INPP5D: variants seen among roughly 807,000 people sequenced by gnomAD.
INPP5D encodes inositol polyphosphate-5-phosphatase D, also known as phosphatidylinositol 3,4,5-trisphosphate 5-phosphatase 1.
Under a neutral mutation model 122.9 loss-of-function variants are expected in INPP5D, and 33 were observed. The observed-to-expected ratio is 0.27, with a 90% CI of 0.20 to 0.36. INPP5D has a LOEUF of 0.36. Ranked by LOEUF, INPP5D falls within the 10% of genes least tolerant of loss-of-function variation. The pLI, the probability that INPP5D is intolerant of heterozygous loss-of-function variation, is 1.00. For synonymous variants in INPP5D, 584 were observed against 576.2 expected, an observed-to-expected ratio of 1.01 and a Z score of -0.19; for missense variants, 1,053 against 1,412.7, an observed-to-expected ratio of 0.75 and a Z score of 4.08.
At chr2:233,122,085 T>C (rs541946281) in intron 2 of INPP5D, 22 bp from the exon 3 acceptor site, 1 of 1,612,536 alleles carries the variant, frequency 6.2e-7, no homozygotes, top group South Asian at 1.1e-5. Flanking sequence ...CATGTGCGTT[T>C]GTTTGGATGT....
At chr2:233,198,812 T>C (rs1695254973) in intron 25 of INPP5D, among the ~76,000 whole-genome samples, 2 of 150,196 alleles carry the variant, frequency 1.3e-5, no homozygotes, top group Non-Finnish European at 1.5e-5. Flanking sequence ...TAGCCAGGGG[T>C]GGTGGTGCAT....
At chr2:233,181,879 T>G (rs1694794228) in intron 18 of INPP5D, among the ~76,000 whole-genome samples, 1 of 152,138 alleles carries the variant, frequency 6.6e-6, no homozygotes, top group Non-Finnish European at 1.5e-5. Context: ...GTGGATCACC[T>G]GAGGTCAGGA....
Position 233,082,104 on chromosome 2 carries a change from C to T in INPP5D, c.198+2706C>T, listed in dbSNP as rs952487933. ...TCTGCTCCTGACCCCGGCACTAGAT[C>T]TGTGACCTCCGCAGTAGCTGACATG... On this transcript the variant is annotated intron_variant, in intron 2 of 26. Transcript: ENST00000445964. This position sits in a 1 kb window ranked among gnomAD's most constrained non-coding sequence, Gnocchi z 4.7. 6.6e-6 allele frequency among the ~76,000 whole-genome samples: 1 copy of T among 152,286 alleles called. No homozygotes were observed. Among genetic ancestry groups the T allele is most frequent in the Non-Finnish European group, 1.5e-5 (1 of 68,018 alleles).
chr2:233,071,149 C>T (rs928549327), intron 1 of INPP5D, among the ~76,000 whole-genome samples: 27 of 152,052 alleles, frequency 1.8e-4, no homozygotes, highest in African/African-American at 6.0e-4. Flanking sequence ...ATTAGCTTGC[C>T]GTGGTGGTGT....
chr2:233,065,580 C>CT lies in INPP5D; in HGVS notation c.134+4970dup, dbSNP rs1691192073. ...CCCAGCCTTTTTCTTTCTTTCTTTC[C>CT]TTCTTTCTTTCTTTCTTTCTTTCTT... On this transcript the variant is annotated intron_variant, in intron 1 of 26. Coordinates refer to ENST00000445964, the MANE Select transcript of INPP5D (RefSeq NM_001017915.3). Among the ~76,000 whole-genome samples, 9 of 13,260 alleles carry CT rather than the reference C, an allele frequency of 6.8e-4. 3 individuals are homozygous for CT. Among genetic ancestry groups the CT allele is most frequent in the South Asian group, 4.5e-3 (1 of 224 alleles). 8.7% of individuals were successfully genotyped at this position (13,260 alleles called of 152,430 possible).
chr2:233,153,495 CGA>C (rs1421597403), intron 9 of INPP5D, among the ~76,000 whole-genome samples: 3 of 152,142 alleles, frequency 2.0e-5, no homozygotes, highest in East Asian at 1.9e-4. Context: ...AGATGGATAG[CGA>C]GAGTCACTTG....
chr2:233,161,118 C>A (rs28478933), intron 10 of INPP5D, among the ~76,000 whole-genome samples: 52,895 of 151,268 alleles, frequency 0.35, 11,429 homozygotes, highest in Non-Finnish European at 0.49. Flanking sequence ...TTGAGACAGA[C>A]TCTAGCTCTG....
intron 18 of INPP5D, among the ~76,000 whole-genome samples, chr2:233,181,867 G>A (rs930108258): frequency 6.6e-5 from 10 of 152,126 alleles, no homozygotes; most frequent in East Asian, 1.9e-4. Context: ...AGGCCGAGGC[G>A]AGTGGATCAC....
chr2:233,097,891 CTT>C (rs1199718095), intron 2 of INPP5D, among the ~76,000 whole-genome samples: 7 of 142,272 alleles, frequency 4.9e-5, no homozygotes, highest in African/African-American at 5.1e-5. Flanking sequence ...TGTCTCATTT[CTT>C]TTTTTTTTTT....
intron 2 of INPP5D, among the ~76,000 whole-genome samples, chr2:233,110,941 A>AAC (rs35748877): frequency 1.1e-4 from 10 of 92,798 alleles, no homozygotes; most frequent in Non-Finnish European, 1.5e-4. Context: ...AAAAAACAAC[A>AAC]AAAAAAAAAA....
At chr2:233,075,175 C>G (rs1191245203) in intron 1 of INPP5D, among the ~76,000 whole-genome samples, 1 of 152,188 alleles carries the variant, frequency 6.6e-6, no homozygotes, top group Admixed American at 6.5e-5. Flanking sequence ...TGTAAGCCCC[C>G]CTTCATTTGG....
chr2:233,154,476 G>A (rs760135223), intron 9 of INPP5D, among the ~76,000 whole-genome samples: 1 of 152,188 alleles, frequency 6.6e-6, no homozygotes, highest in Admixed American at 6.5e-5. Flanking sequence ...ATAACAAGAT[G>A]CACATGAACT....
intron 26 of INPP5D, 89 bp downstream of exon 26, chr2:233,204,806 A>G (rs1559351975): frequency 2.1e-6 from 3 of 1,426,924 alleles, no homozygotes; most frequent in South Asian, 1.5e-5. Context: ...ATGTGTGTGC[A>G]TGTGTGTGTG....
At chr2:233,068,681 G>A (rs1051783181) in intron 1 of INPP5D, among the ~76,000 whole-genome samples, 1 of 152,248 alleles carries the variant, frequency 6.6e-6, no homozygotes, top group African/African-American at 2.4e-5. Flanking sequence ...GGACCCATCT[G>A]TGAAGAACAT....
chr2:233,106,812 A>G (rs1692480046), intron 2 of INPP5D, among the ~76,000 whole-genome samples: 1 of 152,222 alleles, frequency 6.6e-6, no homozygotes, highest in Non-Finnish European at 1.5e-5. Context: ...GGGTTCCACC[A>G]TCCAAATACC....
chr2:233,107,262 T>C (rs753441303), intron 2 of INPP5D, among the ~76,000 whole-genome samples: 16 of 152,110 alleles, frequency 1.1e-4, no homozygotes, highest in Non-Finnish European at 1.9e-4. Context: ...CACAAGGAGC[T>C]GTGGAGTGTA....
intron 2 of INPP5D, among the ~76,000 whole-genome samples, chr2:233,094,618 C>T (rs1243271656): frequency 6.7e-6 from 1 of 149,538 alleles, no homozygotes; most frequent in African/African-American, 2.5e-5. Flanking sequence ...CATCATTGCT[C>T]TAGAACCTTG....
intron 1 of INPP5D, among the ~76,000 whole-genome samples, chr2:233,070,441 G>A (rs1691346005): frequency 7.4e-6 from 1 of 134,352 alleles, no homozygotes; most frequent in South Asian, 2.8e-4. Context: ...GGATTCAGCA[G>A]GTTTTTTTTT....
chr2:233,079,239 G>C (rs908967340), intron 1 of INPP5D, 96 bp from the exon 2 acceptor site: 3 of 792,170 alleles, frequency 3.8e-6, no homozygotes, highest in Non-Finnish European at 2.2e-6. Flanking sequence ...TTTGTGTCCA[G>C]ATTCCTCAAG....
Sources: gnomAD v4.1 joint callset for allele counts (sites outside exome capture counted in the v4.1 genomes callset) on GRCh38, gnomAD v4.1.1 for gene constraint, Gnocchi (gnomAD v3.1) non-coding constraint, MANE v1.5 for transcripts, NCBI Gene and HGNC (gene_info 2026-07-23, HGNC 2026-07-21) for gene names.